Variants in THRB observed in about 807,000 individuals in gnomAD.
THRB encodes the protein thyroid hormone receptor beta.
Under a neutral mutation model 47.8 loss-of-function variants are expected in THRB, and 12 were observed. The ratio of observed to expected loss-of-function variants is 0.25; its 90% CI spans 0.16 to 0.41. The LOEUF (loss-of-function observed/expected upper bound fraction) is 0.41. THRB is among the 10% of genes least tolerant of loss of function. THRB has a pLI of 1.00. For missense variants in THRB, 348 were observed against 589.2 expected (o/e 0.59, Z 4.24); for synonymous variants, 218 against 212.2 (o/e 1.03, Z -0.24).
intron 2 of THRB, among the ~76,000 whole-genome samples, chr3:24,322,310 C>A (rs906094010): frequency 3.4e-4 from 52 of 152,152 alleles, no homozygotes; most frequent in African/African-American, 1.2e-3. Flanking sequence ...ATTAAAACTA[C>A]AGTTTCCATA....
rs529204426 is a variant in THRB, at chr3:24,261,034, C to A, written c.-42-32033G>T. Among the ~76,000 whole-genome samples, 4 of 125,590 alleles carry A rather than the reference C, an allele frequency of 3.2e-5. No homozygotes were observed. The East Asian group carries it at 7.2e-4, about 23-fold the overall frequency. 82.4% of individuals were successfully genotyped at this position (125,590 alleles called of 152,430 possible). ...GTGATGCCGATGCTGCTGGTCTGGG[C>A]CCACACCTGGTCCTATCTAAGCTCA... On this transcript the variant is annotated intron_variant, in intron 3 of 10. Transcript: ENST00000646209.
intron 4 of THRB, among the ~76,000 whole-genome samples, chr3:24,211,835 T>G (rs2046057057): frequency 6.6e-6 from 1 of 152,214 alleles, no homozygotes; most frequent in Non-Finnish European, 1.5e-5. Flanking sequence ...GCAGCAATAT[T>G]TCATGCCCAG....
intron 4 of THRB, among the ~76,000 whole-genome samples, chr3:24,216,096 A>T (rs930417611): frequency 6.6e-6 from 1 of 152,192 alleles, no homozygotes; most frequent in Non-Finnish European, 1.5e-5. Context: ...CTTTTATATC[A>T]TTCAATATTT....
chr3:24,282,912 A>G (rs920129326), intron 3 of THRB, among the ~76,000 whole-genome samples: 1 of 151,800 alleles, frequency 6.6e-6, no homozygotes, highest in African/African-American at 2.4e-5. Context: ...GAATAGACCA[A>G]TAACAGGATC....
At chr3:24,311,327 T>C (rs944770119) in intron 2 of THRB, among the ~76,000 whole-genome samples, 2 of 152,168 alleles carry the variant, frequency 1.3e-5, no homozygotes, top group African/African-American at 2.4e-5. Flanking sequence ...TACTGTGTAT[T>C]AATGAAAGAA....
chr3:24,470,127 C>T (rs1288063459), intron 1 of THRB, among the ~76,000 whole-genome samples: 1 of 152,218 alleles, frequency 6.6e-6, no homozygotes, highest in African/African-American at 2.4e-5. Flanking sequence ...ATGTGACTCA[C>T]ACTAACTTTA....
intron 1 of THRB, among the ~76,000 whole-genome samples, chr3:24,414,880 T>C (rs1277994227): frequency 6.6e-6 from 1 of 151,854 alleles, no homozygotes; most frequent in African/African-American, 2.4e-5. Flanking sequence ...AAATAAAATG[T>C]CTAAAATGAA....
chr3:24,294,940 G>C (rs1406544442), intron 3 of THRB, among the ~76,000 whole-genome samples: 1 of 152,156 alleles, frequency 6.6e-6, no homozygotes, highest in African/African-American at 2.4e-5. Context: ...AAACAAACAG[G>C]ATAGAGATGT....
intron 1 of THRB, among the ~76,000 whole-genome samples, chr3:24,352,389 G>A (rs1309828418): frequency 6.6e-6 from 1 of 152,138 alleles, no homozygotes; most frequent in East Asian, 1.9e-4. Context: ...CTGTCCCTAT[G>A]AGGATAGGGC....
chr3:24,389,883 G>C (rs1296071646), intron 1 of THRB, among the ~76,000 whole-genome samples: 1 of 152,164 alleles, frequency 6.6e-6, no homozygotes, highest in Non-Finnish European at 1.5e-5. Context: ...CAGTCTTGAA[G>C]TGCCATAAAT....
At chr3:24,284,626 C>T (rs544025764) in intron 3 of THRB, among the ~76,000 whole-genome samples, 1 of 150,152 alleles carries the variant, frequency 6.7e-6, no homozygotes, top group African/African-American at 2.5e-5. Context: ...AAAGAAACTA[C>T]CATCAGAGTG....
intron 2 of THRB, among the ~76,000 whole-genome samples, chr3:24,315,967 GTTT>G (rs200401316): frequency 1.1e-4 from 17 of 151,938 alleles, no homozygotes; most frequent in African/African-American, 4.1e-4. Flanking sequence ...GTATGTTTCT[GTTT>G]TTTTTCTTTT....
At chr3:24,328,363 T>C (rs2061717657) in intron 2 of THRB, among the ~76,000 whole-genome samples, 1 of 152,212 alleles carries the variant, frequency 6.6e-6, no homozygotes, top group South Asian at 2.1e-4. Flanking sequence ...TTATCCAAAC[T>C]GAAGTCTGCA....
At chr3:24,231,072 G>C (rs1160573963) in intron 3 of THRB, among the ~76,000 whole-genome samples, 1 of 152,142 alleles carries the variant, frequency 6.6e-6, no homozygotes, top group Non-Finnish European at 1.5e-5. Context: ...TGCTCCTCCA[G>C]GGATTTGGCT....
chr3:24,202,395 C>T (rs1488048441), intron 4 of THRB, among the ~76,000 whole-genome samples: 1 of 152,082 alleles, frequency 6.6e-6, no homozygotes, highest in African/African-American at 2.4e-5. Flanking sequence ...ATTAAGACTC[C>T]TTTTTTTCAT....
chr3:24,204,133 C>T (rs1256685682), intron 4 of THRB, among the ~76,000 whole-genome samples: 1 of 152,082 alleles, frequency 6.6e-6, no homozygotes, highest in Non-Finnish European at 1.5e-5. Flanking sequence ...CTTAAATGTC[C>T]CTGACAGCTT....
At chr3:24,299,644 T>TC (rs1489829971) in intron 2 of THRB, among the ~76,000 whole-genome samples, 2 of 138,980 alleles carry the variant, frequency 1.4e-5, no homozygotes, top group African/African-American at 5.0e-5. Context: ...ATAAAAACTT[T>TC]CTTTTTTTTT....
chr3:24,378,023 G>A (rs1383345726), intron 1 of THRB, among the ~76,000 whole-genome samples: 1 of 152,118 alleles, frequency 6.6e-6, no homozygotes, highest in Non-Finnish European at 1.5e-5. Context: ...CTGATTCTTT[G>A]ACCAATTTTT....
intron 6 of THRB, among the ~76,000 whole-genome samples, chr3:24,151,769 G>T (rs1279866719): frequency 6.6e-6 from 1 of 152,294 alleles, no homozygotes; most frequent in Admixed American, 6.5e-5. Context: ...CTGATCACTG[G>T]TATATTCTTG....
Sources: allele counts gnomAD v4.1 joint callset (sites outside exome capture counted in the v4.1 genomes callset), GRCh38; gene constraint gnomAD v4.1.1; transcripts MANE v1.5; gene names NCBI Gene and HGNC (gene_info 2026-07-23, HGNC 2026-07-21).